The following PDE4B variants were observed in gnomAD, a reference collection of about 807,000 sequenced individuals.
PDE4B encodes the protein phosphodiesterase 4B.
A neutral mutation model predicts 82.2 loss-of-function variants in PDE4B; 20 were observed. That is an observed-to-expected ratio of 0.24 (90% CI 0.17 to 0.35). The LOEUF is 0.35. Ranked by LOEUF, PDE4B falls within the 10% of genes least tolerant of loss-of-function variation. The probability of loss-of-function intolerance (pLI) is 1.00; values close to 1 mark genes in which losing one functional copy is unlikely to be tolerated. For synonymous variants in PDE4B, 320 were observed against 318.9 expected, an observed-to-expected ratio of 1.00 and a Z score of -0.04; for missense variants, 655 against 907.2, an observed-to-expected ratio of 0.72 and a Z score of 3.57.
chr1:66,234,576 A>C (rs1349136113), intron 3 of PDE4B, among the ~76,000 whole-genome samples: 1 of 152,210 alleles, frequency 6.6e-6, no homozygotes, highest in South Asian at 2.1e-4. Flanking sequence ...GGCATGAGCC[A>C]CCGTGCCCAG....
intron 3 of PDE4B, among the ~76,000 whole-genome samples, chr1:66,003,267 T>C (rs1249818250): frequency 6.6e-6 from 1 of 152,042 alleles, no homozygotes; most frequent in African/African-American, 2.4e-5. Flanking sequence ...TAAAATGCAC[T>C]AATTATCAGA....
At chr1:66,292,038 T>C (rs989496835) in intron 7 of PDE4B, among the ~76,000 whole-genome samples, 2 of 152,198 alleles carry the variant, frequency 1.3e-5, no homozygotes, top group African/African-American at 4.8e-5. Context: ...GAACATGAGA[T>C]GTTAATTTCC....
At chr1:66,119,258 C>T (rs1013971821) in intron 3 of PDE4B, among the ~76,000 whole-genome samples, 1 of 152,102 alleles carries the variant, frequency 6.6e-6, no homozygotes, top group Admixed American at 6.5e-5. Flanking sequence ...ACCTCTTTAC[C>T]ACGTAATTTG....
At chr1:65,983,227 G>T (rs751785310) in intron 3 of PDE4B, among the ~76,000 whole-genome samples, 1 of 152,146 alleles carries the variant, frequency 6.6e-6, no homozygotes, top group Non-Finnish European at 1.5e-5. Flanking sequence ...GAAGAACTTT[G>T]CCGCAGGATG....
Position 66,187,080 on chromosome 1 carries a change from G to A in PDE4B, c.282-60380G>A, listed in dbSNP as rs180994522. Among the ~76,000 whole-genome samples the A allele has an allele frequency of 8.2e-4, 125 of 152,280 alleles. 1 individual carries two copies. The highest frequency in any genetic ancestry group is 2.9e-3 in the African/African-American group (119 of 41,552). On this transcript the variant is annotated intron_variant, in intron 3 of 16. Coordinates refer to ENST00000341517, the MANE Select transcript of PDE4B (RefSeq NM_002600.4). Reference sequence around the variant, plus strand: ...TTTGTCAAAGGCCTTTTCTGCATCTGTTGAGATAATCATGTAGTTTTGGTC... The same window carrying A: ...TTTGTCAAAGGCCTTTTCTGCATCTATTGAGATAATCATGTAGTTTTGGTC...
At chr1:66,226,095 C>G (rs1651430729) in intron 3 of PDE4B, among the ~76,000 whole-genome samples, 1 of 152,136 alleles carries the variant, frequency 6.6e-6, no homozygotes. Flanking sequence ...TCCAACAGAC[C>G]TTTTGATTTG....
At chr1:66,117,166 G>A (rs1169837288) in intron 3 of PDE4B, among the ~76,000 whole-genome samples, 1 of 152,080 alleles carries the variant, frequency 6.6e-6, no homozygotes, top group Non-Finnish European at 1.5e-5. Flanking sequence ...CTGCAGCATA[G>A]GTAAGTAGGT....
intron 6 of PDE4B, among the ~76,000 whole-genome samples, chr1:66,259,972 T>C (rs979631816): frequency 1.3e-5 from 2 of 152,144 alleles, no homozygotes; most frequent in African/African-American, 2.4e-5. Context: ...AAAATAGGGT[T>C]GTTATGAGGA....
chr1:66,097,847 ATTGT>A (rs1645146758), intron 3 of PDE4B, among the ~76,000 whole-genome samples: 1 of 142,258 alleles, frequency 7.0e-6, no homozygotes, highest in South Asian at 2.2e-4. Flanking sequence ...TAGATAATAC[ATTGT>A]TTGCTGCTGG....
intron 1 of PDE4B, among the ~76,000 whole-genome samples, chr1:65,794,375 G>A (rs936177441): frequency 2.0e-5 from 3 of 152,046 alleles, no homozygotes; most frequent in Non-Finnish European, 2.9e-5. Context: ...CTCCCCCTCC[G>A]TTTCCTTTTG....
chr1:66,099,016 T>G (rs755775689), intron 3 of PDE4B, among the ~76,000 whole-genome samples: 1 of 152,150 alleles, frequency 6.6e-6, no homozygotes, highest in Non-Finnish European at 1.5e-5. Context: ...GAAAATTTTT[T>G]TAAACAATTT....
At chr1:66,348,264 A>T (rs776787948) in intron 8 of PDE4B, among the ~76,000 whole-genome samples, 4 of 152,200 alleles carry the variant, frequency 2.6e-5, no homozygotes, top group Non-Finnish European at 5.9e-5. Flanking sequence ...GCTTAAAAGG[A>T]AAAACAAAAG....
intron 3 of PDE4B, among the ~76,000 whole-genome samples, chr1:65,987,049 A>G (rs1338591268): frequency 6.6e-6 from 1 of 152,182 alleles, no homozygotes; most frequent in Non-Finnish European, 1.5e-5. Context: ...AAGACGAAAT[A>G]AGAGAAGTAC....
At chr1:66,113,662 TTTC>T (rs1645534598) in intron 3 of PDE4B, among the ~76,000 whole-genome samples, 1 of 152,190 alleles carries the variant, frequency 6.6e-6, no homozygotes, top group Non-Finnish European at 1.5e-5. Context: ...ATGTAAGGTG[TTTC>T]TTACTTTTCA....
At chr1:66,137,562 T>TA (rs1179223210) in intron 3 of PDE4B, among the ~76,000 whole-genome samples, 1 of 152,170 alleles carries the variant, frequency 6.6e-6, no homozygotes, top group Non-Finnish European at 1.5e-5. Flanking sequence ...ATACCTAACA[T>TA]ACAGATCTGG....
At chr1:66,275,298 A>C (rs542550294) in intron 7 of PDE4B, among the ~76,000 whole-genome samples, 2 of 152,326 alleles carry the variant, frequency 1.3e-5, no homozygotes, top group African/African-American at 4.8e-5. Flanking sequence ...GTACACACCT[A>C]TTCAGGCATA....
chr1:66,106,457 T>G (rs1169453734), intron 3 of PDE4B, among the ~76,000 whole-genome samples: 1 of 152,092 alleles, frequency 6.6e-6, no homozygotes, highest in East Asian at 1.9e-4. Context: ...CCTCATAAAA[T>G]GAGTTAGGGA....
intron 3 of PDE4B, among the ~76,000 whole-genome samples, chr1:65,926,722 G>A (rs2310752): frequency 0.42 from 63,298 of 151,730 alleles, 13,361 homozygotes; most frequent in South Asian, 0.56. Context: ...CACTTCTTTT[G>A]CTTTCTCTTG....
intron 3 of PDE4B, among the ~76,000 whole-genome samples, chr1:66,240,930 G>C (rs763882357): frequency 7.2e-5 from 11 of 152,228 alleles, no homozygotes; most frequent in Non-Finnish European, 1.2e-4. Flanking sequence ...TTCCCCCACA[G>C]AGCTGGAAGT....
Sources: allele counts gnomAD v4.1 joint callset (sites outside exome capture counted in the v4.1 genomes callset), GRCh38; gene constraint gnomAD v4.1.1; transcripts MANE v1.5; gene names NCBI Gene and HGNC (gene_info 2026-07-23, HGNC 2026-07-21).